Variants in ZNF487 observed in about 807,000 individuals in gnomAD.
ZNF487 encodes zinc finger protein 487, also known as KRAB domain only 1.
A neutral mutation model predicts 3.0 loss-of-function variants in ZNF487; 4 were observed. The ratio of observed to expected loss-of-function variants is 1.35; its 90% CI spans 0.66 to 3.08. The LOEUF is 3.08. Among genes scored for constraint, ZNF487 ranks in the 30% most tolerant of loss-of-function variants. The probability of loss-of-function intolerance (pLI) is 0.01; values close to 1 mark genes in which losing one functional copy is unlikely to be tolerated. For synonymous variants in ZNF487, 55 were observed against 34.6 expected, an observed-to-expected ratio of 1.59 and a Z score of -2.06; for missense variants, 146 against 98.7, an observed-to-expected ratio of 1.48 and a Z score of -2.03.
the ZNF487 span, among the ~76,000 whole-genome samples, chr10:43,503,027 CAAAAAA>C: frequency 6.3e-5 from 6 of 95,736 alleles, no homozygotes; most frequent in Non-Finnish European, 1.1e-4. Context: ...GACCCTGTCT[CAAAAAA>C]AAAAAAAAAA....
chr10:43,478,415 G>A (rs929672623), intron 3 of ZNF487, among the ~76,000 whole-genome samples: 1 of 152,300 alleles, frequency 6.6e-6, no homozygotes. Flanking sequence ...TTAGCCGGGC[G>A]TGGTGGCACA....
At chr10:43,489,393 G>A in the ZNF487 span, among the ~76,000 whole-genome samples, 2,572 of 152,084 alleles carry the variant, frequency 0.017, 68 homozygotes, top group African/African-American at 0.056. Context: ...TCGCTCTGTC[G>A]CCCTGGCTGG....
At chr10:43,489,699 G>A in the ZNF487 span, among the ~76,000 whole-genome samples, 1 of 152,074 alleles carries the variant, frequency 6.6e-6, no homozygotes, top group African/African-American at 2.4e-5. Flanking sequence ...GTTCCAAGTA[G>A]AAATGGAAGA....
the ZNF487 span, among the ~76,000 whole-genome samples, chr10:43,522,994 T>C: frequency 6.6e-6 from 1 of 152,228 alleles, no homozygotes; most frequent in Non-Finnish European, 1.5e-5. Flanking sequence ...TATTTGTTTA[T>C]TCCACTTTAT....
At chr10:43,522,526 G>T in the ZNF487 span, among the ~76,000 whole-genome samples, 1 of 152,104 alleles carries the variant, frequency 6.6e-6, no homozygotes, top group Non-Finnish European at 1.5e-5. Flanking sequence ...CTGAGGTCAG[G>T]AGTTCGAGAC....
chr10:43,491,191 C>A, the ZNF487 span, among the ~76,000 whole-genome samples: 1 of 151,358 alleles, frequency 6.6e-6, no homozygotes, highest in Non-Finnish European at 1.5e-5. Flanking sequence ...TTAGGATGGT[C>A]TCAAACTCCT....
intron 1 of ZNF487, among the ~76,000 whole-genome samples, chr10:43,464,865 G>A (rs1360267521): frequency 6.6e-6 from 1 of 152,084 alleles, no homozygotes; most frequent in Non-Finnish European, 1.5e-5. Context: ...ATCATGGCCC[G>A]TTCTTAATGA....
chr10:43,519,473 T>G, the ZNF487 span, among the ~76,000 whole-genome samples: 6 of 151,632 alleles, frequency 4.0e-5, no homozygotes, highest in African/African-American at 7.3e-5. Context: ...ATGTAAGTTT[T>G]TTTTTTTTTT....
intron 3 of ZNF487, among the ~76,000 whole-genome samples, chr10:43,478,482 G>T (rs778490578): frequency 7.9e-5 from 12 of 152,338 alleles, no homozygotes; most frequent in South Asian, 2.1e-4. Flanking sequence ...GAACCCAGGA[G>T]GGGGAGGTTG....
chr10:43,440,901 G>A (rs1020943327), intron 1 of ZNF487, among the ~76,000 whole-genome samples: 1 of 151,790 alleles, frequency 6.6e-6, no homozygotes, highest in Non-Finnish European at 1.5e-5. Flanking sequence ...GAGAGTCACT[G>A]TGTTGCCTAG....
chr10:43,476,300 A>T, intron 3 of ZNF487, 98 bp downstream of exon 3: 2 of 637,636 alleles, frequency 3.1e-6, no homozygotes, highest in Non-Finnish European at 5.6e-6. Flanking sequence ...TTTCAGAGAT[A>T]TGTTTTTAGA....
At chr10:43,480,343 T>C (rs556509537) in intron 3 of ZNF487, among the ~76,000 whole-genome samples, 30 of 150,680 alleles carry the variant, frequency 2.0e-4, no homozygotes, top group Admixed American at 3.3e-4. Flanking sequence ...CCTGACCTCG[T>C]GATCCACCCC....
chr10:43,482,674 A>G lies in ZNF487; in HGVS notation c.*752A>G, dbSNP rs753833637. ...GGCGAGAAACCCTATGAGTGTAAGG[A>G]ATGTGGGAAAACTTTCTCCCAGAAG... On this transcript the variant is annotated 3_prime_UTR_variant, in exon 4 of 4. Coordinates refer to ENST00000437590, the MANE Select transcript of ZNF487 (RefSeq NM_001355444.3). 2.3e-5 allele frequency: 11 copies of G among 479,040 alleles called. No individual in the cohort carries two copies. Among genetic ancestry groups the G allele is most frequent in the Non-Finnish European group, 4.7e-5 (11 of 234,608 alleles). The allele number at this position is 479,040 out of a possible 1,614,324, so 29.7% of individuals were successfully genotyped here. A position where few individuals can be genotyped will look rare whatever the true frequency, so the allele number is the denominator to read the frequency against.
At chr10:43,504,293 CTTTTTTTTTTT>C in the ZNF487 span, among the ~76,000 whole-genome samples, 4 of 108,984 alleles carry the variant, frequency 3.7e-5, no homozygotes, top group Non-Finnish European at 5.2e-5. Flanking sequence ...TTCTTTCTTT[CTTTTTTTTTTT>C]TTTTTTTGAG....
At chr10:43,493,546 C>T in the ZNF487 span, among the ~76,000 whole-genome samples, 1 of 151,376 alleles carries the variant, frequency 6.6e-6, no homozygotes, top group Admixed American at 6.6e-5. Flanking sequence ...GTAAAAATAT[C>T]CAGGTGTGGT....
the ZNF487 span, among the ~76,000 whole-genome samples, chr10:43,498,294 T>C: frequency 7.0e-6 from 1 of 142,588 alleles, no homozygotes. Context: ...TTTTTCTTTT[T>C]TTTTTTGAGA....
At chr10:43,516,336 G>A in the ZNF487 span, among the ~76,000 whole-genome samples, 2 of 152,134 alleles carry the variant, frequency 1.3e-5, no homozygotes, top group African/African-American at 2.4e-5. Flanking sequence ...TCTAATCATA[G>A]CAAGCAGCTA....
At chr10:43,445,154 ATTTTT>A (rs1277374679) in intron 1 of ZNF487, among the ~76,000 whole-genome samples, 1 of 144,246 alleles carries the variant, frequency 6.9e-6, no homozygotes, top group Non-Finnish European at 1.5e-5. Context: ...CATTTTCAGA[ATTTTT>A]TTTTTTTTCT....
At chr10:43,460,847 C>T (rs960690873) in intron 1 of ZNF487, among the ~76,000 whole-genome samples, 2 of 151,864 alleles carry the variant, frequency 1.3e-5, no homozygotes, top group African/African-American at 4.8e-5. Context: ...CAGGCACCAC[C>T]AGGACTGGCT....
Sources: gnomAD v4.1 joint callset for allele counts (sites outside exome capture counted in the v4.1 genomes callset) on GRCh38, gnomAD v4.1.1 for gene constraint, MANE v1.5 for transcripts, NCBI Gene and HGNC (gene_info 2026-07-23, HGNC 2026-07-21) for gene names.